The following HPSE2 variants were observed in gnomAD, a reference collection of about 807,000 sequenced individuals.
HPSE2 encodes the protein inactive heparanase-2.
In HPSE2, 38 loss-of-function variants were observed where a neutral mutation model predicts 60.5. The observed-to-expected ratio is 0.63, with a 90% CI of 0.48 to 0.82. The LOEUF (loss-of-function observed/expected upper bound fraction) is 0.82, where lower values mean the gene tolerates loss of function less well. HPSE2 is among the 40% of genes least tolerant of loss of function. The pLI is 0.00. For missense variants in HPSE2, 713 were observed against 740.4 expected (o/e 0.96, Z 0.43); for synonymous variants, 295 against 293.2 (o/e 1.01, Z -0.06).
intron 9 of HPSE2, among the ~76,000 whole-genome samples, chr10:98,535,159 T>TA (rs1385584715): frequency 6.6e-6 from 1 of 152,220 alleles, no homozygotes; most frequent in Admixed American, 6.5e-5. Flanking sequence ...GCAGATTTCT[T>TA]AGCTTTTAGA....
intron 3 of HPSE2, among the ~76,000 whole-genome samples, chr10:98,970,167 G>A (rs1955916197): frequency 6.6e-6 from 1 of 152,086 alleles, no homozygotes; most frequent in African/African-American, 2.4e-5. Flanking sequence ...TCACCACGTT[G>A]GCCAGGTTGG....
At chr10:98,613,547 G>A (rs1271642381) in intron 9 of HPSE2, among the ~76,000 whole-genome samples, 1 of 152,230 alleles carries the variant, frequency 6.6e-6, no homozygotes, top group East Asian at 1.9e-4. Context: ...TCTGGGCTTG[G>A]AAGCTTCCTG....
In HPSE2 at chr10:98,811,240, T is replaced by C. The variant is rs144317981; in HGVS notation, c.611-67184A>G. 3.3e-4 allele frequency among the ~76,000 whole-genome samples: 51 copies of C among 152,242 alleles called. 1 individual carries two copies. Among genetic ancestry groups the C allele is most frequent in the Admixed American group, 2.4e-3 (36 of 15,266 alleles). Reference sequence around the variant, plus strand: ...TTGAAGCCTAGTTTAAGTCTCCCAGTAATCTCATTCACGATATTCCCTACT... The same window carrying C: ...TTGAAGCCTAGTTTAAGTCTCCCAGCAATCTCATTCACGATATTCCCTACT... On this transcript the variant is annotated intron_variant, in intron 3 of 11. Transcript: ENST00000370552.
chr10:98,899,356 A>C (rs1380027658), intron 3 of HPSE2, among the ~76,000 whole-genome samples: 7 of 152,220 alleles, frequency 4.6e-5, no homozygotes, highest in African/African-American at 1.7e-4. Context: ...GAAAGACACA[A>C]TCAAGAGAAT....
chr10:99,014,893 A>G (rs978054831), intron 3 of HPSE2, among the ~76,000 whole-genome samples: 1 of 152,216 alleles, frequency 6.6e-6, no homozygotes, highest in East Asian at 1.9e-4. Flanking sequence ...CAACCTACAG[A>G]ATGGGAGAAA....
intron 7 of HPSE2, among the ~76,000 whole-genome samples, chr10:98,635,121 C>T (rs1403783067): frequency 3.3e-5 from 5 of 152,128 alleles, no homozygotes; most frequent in Non-Finnish European, 7.3e-5. Context: ...ATTTTATTCT[C>T]AGGGACCTGG....
the HPSE2 span, among the ~76,000 whole-genome samples, chr10:99,255,458 A>G: frequency 6.6e-6 from 1 of 152,192 alleles, no homozygotes; most frequent in Non-Finnish European, 1.5e-5. Context: ...ACATCACAAC[A>G]AAGTTGGGCT....
intron 7 of HPSE2, among the ~76,000 whole-genome samples, chr10:98,633,697 G>A (rs1162711689): frequency 3.9e-5 from 6 of 152,118 alleles, no homozygotes; most frequent in African/African-American, 7.2e-5. Flanking sequence ...TAAGTTTTGG[G>A]GGAGTCAAAA....
chr10:98,981,677 T>C (rs991994379), intron 3 of HPSE2, among the ~76,000 whole-genome samples: 5 of 152,176 alleles, frequency 3.3e-5, no homozygotes, highest in African/African-American at 9.6e-5. Flanking sequence ...TCTTGTCCAA[T>C]TGATCACCTA....
At chr10:99,133,422 G>A (rs548239920) in intron 3 of HPSE2, among the ~76,000 whole-genome samples, 1 of 152,320 alleles carries the variant, frequency 6.6e-6, no homozygotes, top group Non-Finnish European at 1.5e-5. Flanking sequence ...GTGGGTCCCT[G>A]ACCTCTATGT....
At chr10:98,815,859 G>A (rs1477115406) in intron 3 of HPSE2, among the ~76,000 whole-genome samples, 2 of 151,982 alleles carry the variant, frequency 1.3e-5, no homozygotes, top group Non-Finnish European at 2.9e-5. Flanking sequence ...AATGCATGAT[G>A]AGTTCATGTC....
intron 5 of HPSE2, among the ~76,000 whole-genome samples, chr10:98,701,643 T>C (rs1565093041): frequency 8.9e-6 from 1 of 112,166 alleles, no homozygotes; most frequent in Non-Finnish European, 2.3e-5. Flanking sequence ...AGTATAATAA[T>C]AATAAAATAA....
intron 5 of HPSE2, among the ~76,000 whole-genome samples, chr10:98,707,347 C>T (rs1948572202): frequency 6.6e-6 from 1 of 152,114 alleles, no homozygotes; most frequent in South Asian, 2.1e-4. Flanking sequence ...CATTAATGCC[C>T]TACTTGGCTA....
chr10:98,590,373 C>T (rs921975515), intron 9 of HPSE2, among the ~76,000 whole-genome samples: 6 of 152,200 alleles, frequency 3.9e-5, no homozygotes, highest in African/African-American at 1.4e-4. Context: ...ACCCAGGAGG[C>T]GGAGCTTGCA....
chr10:98,586,249 G>A (rs1244458925), intron 9 of HPSE2, among the ~76,000 whole-genome samples: 1 of 152,126 alleles, frequency 6.6e-6, no homozygotes, highest in South Asian at 2.1e-4. Context: ...CAGATGCATC[G>A]TATTTTGACA....
intron 3 of HPSE2, among the ~76,000 whole-genome samples, chr10:98,993,979 T>C (rs1956587233): frequency 6.6e-6 from 1 of 152,226 alleles, no homozygotes; most frequent in Admixed American, 6.5e-5. Context: ...CAGAACAGTA[T>C]TCCATAGCTC....
intron 6 of HPSE2, among the ~76,000 whole-genome samples, chr10:98,673,401 G>A (rs1052635955): frequency 1.3e-5 from 2 of 152,074 alleles, no homozygotes; most frequent in South Asian, 4.2e-4. Flanking sequence ...TGTCTCATAC[G>A]CCAGATTGTT....
intron 4 of HPSE2, among the ~76,000 whole-genome samples, chr10:98,723,244 C>T (rs1948975964): frequency 6.6e-6 from 1 of 152,104 alleles, no homozygotes. Context: ...GTCTTTGGTT[C>T]TGTTTATATG....
chr10:98,809,881 G>T (rs1235670594), intron 3 of HPSE2, among the ~76,000 whole-genome samples: 1 of 152,066 alleles, frequency 6.6e-6, no homozygotes, highest in East Asian at 1.9e-4. Context: ...ATCTGGGACT[G>T]CCTTCTGTTA....
Sources: allele counts gnomAD v4.1 joint callset (sites outside exome capture counted in the v4.1 genomes callset), GRCh38; gene constraint gnomAD v4.1.1; transcripts MANE v1.5; gene names NCBI Gene and HGNC (gene_info 2026-07-23, HGNC 2026-07-21).